Variants in RYR2 observed in about 807,000 individuals in gnomAD.
RYR2 encodes the protein ryanodine receptor 2.
Under a neutral mutation model 601.1 loss-of-function variants are expected in RYR2, and 227 were observed. The observed-to-expected ratio is 0.38, with a 90% confidence interval of 0.34 to 0.42. The LOEUF (loss-of-function observed/expected upper bound fraction) is 0.42. Ranked by LOEUF, RYR2 falls within the 10% of genes least tolerant of loss-of-function variation. The pLI, the probability that RYR2 is intolerant of heterozygous loss-of-function variation, is 1.00. For synonymous variants in RYR2, 2,223 were observed against 2,175.1 expected (o/e 1.02, Z -0.61); for missense variants, 4,646 against 6,156.5 (o/e 0.75, Z 8.21).
At chr1:237,661,624 G>T (rs891037498) in intron 56 of RYR2, among the ~76,000 whole-genome samples, 4 of 152,120 alleles carry the variant, frequency 2.6e-5, no homozygotes, top group African/African-American at 9.7e-5. Flanking sequence ...TTTCCAGTGG[G>T]ATCTGAGGGT....
chr1:237,481,734 C>T (rs1225625372), intron 17 of RYR2, among the ~76,000 whole-genome samples: 2 of 148,108 alleles, frequency 1.4e-5, no homozygotes, highest in African/African-American at 5.0e-5. Context: ...CTCAGATGCA[C>T]AGGCCCAGAT....
chr1:237,474,079 G>A (rs955260388), intron 17 of RYR2, among the ~76,000 whole-genome samples: 8 of 151,794 alleles, frequency 5.3e-5, no homozygotes, highest in African/African-American at 9.7e-5. Context: ...TAGAGGCTCC[G>A]GGAGTTGACA....
At chr1:237,068,138 G>A (rs913831385) in intron 1 of RYR2, among the ~76,000 whole-genome samples, 2 of 151,062 alleles carry the variant, frequency 1.3e-5, no homozygotes, top group African/African-American at 4.9e-5. Flanking sequence ...GCTTTCTGGG[G>A]CCCATTTTCC....
intron 1 of RYR2, among the ~76,000 whole-genome samples, chr1:237,054,709 A>AT (rs1661756548): frequency 6.6e-6 from 1 of 152,074 alleles, no homozygotes; most frequent in African/African-American, 2.4e-5. Flanking sequence ...AAAATCTTTG[A>AT]TGTGTTCATT....
At chr1:237,298,927 G>T (rs927975704) in intron 2 of RYR2, among the ~76,000 whole-genome samples, 1 of 152,050 alleles carries the variant, frequency 6.6e-6, no homozygotes, top group African/African-American at 2.4e-5. Flanking sequence ...TTGAGCCCAG[G>T]AATTTGAAGT....
intron 1 of RYR2, among the ~76,000 whole-genome samples, chr1:237,088,318 G>C (rs1283623600): frequency 6.6e-6 from 1 of 152,202 alleles, no homozygotes. Flanking sequence ...CACCACTCAT[G>C]AATCTCAGGA....
intron 1 of RYR2, among the ~76,000 whole-genome samples, chr1:237,269,209 A>G (rs1689437263): frequency 6.6e-6 from 1 of 151,284 alleles, no homozygotes; most frequent in Non-Finnish European, 1.5e-5. Flanking sequence ...CGCCCAGCTA[A>G]TTTTTGTATT....
intron 55 of RYR2, 102 bp downstream of exon 55, chr1:237,660,176 A>G (rs1342834): frequency 0.22 from 129,999 of 597,718 alleles, 15,625 homozygotes; most frequent in East Asian, 0.42. Context: ...TTTATTTTAA[A>G]TTTCACATTT....
chr1:237,445,576 T>A, intron 14 of RYR2, 54 bp downstream of exon 14: 1 of 1,599,332 alleles, frequency 6.3e-7, no homozygotes, highest in Non-Finnish European at 8.6e-7. Flanking sequence ...CATTTCTTTA[T>A]TGGATATGCA....
chr1:237,202,054 G>A (rs966365228), intron 1 of RYR2, among the ~76,000 whole-genome samples: 1 of 152,088 alleles, frequency 6.6e-6, no homozygotes, highest in Non-Finnish European at 1.5e-5. Context: ...ATAGGGCTGG[G>A]GTAGACAGAA....
rs1015212902 is a variant in RYR2, at chr1:237,384,058, C to G, written c.577-3223C>G. ...AAGCCTGACGTGATGTAGTTTTTAC[C>G]CAGACTTCCCTTTGCTGTTTAAGCA... On this transcript the variant is annotated intron_variant, in intron 8 of 104. Coordinates refer to ENST00000366574, the MANE Select transcript of RYR2 (RefSeq NM_001035.3). Among the ~76,000 whole-genome samples the G allele has an allele frequency of 1.3e-5, 2 of 152,090 alleles. 1 individual carries two copies. The highest frequency in any genetic ancestry group is 1.3e-4 in the Admixed American group (2 of 15,272).
chr1:237,323,172 AT>A (rs548608339), intron 2 of RYR2, among the ~76,000 whole-genome samples: 39 of 152,098 alleles, frequency 2.6e-4, no homozygotes, highest in Middle Eastern at 3.4e-3. Context: ...TGAGATTGTG[AT>A]TTTTTTTATC....
intron 92 of RYR2, among the ~76,000 whole-genome samples, chr1:237,789,803 C>T (rs1174060111): frequency 6.6e-6 from 1 of 152,212 alleles, no homozygotes; most frequent in Non-Finnish European, 1.5e-5. Flanking sequence ...TGCACATGAC[C>T]AGTCATGGCC....
intron 10 of RYR2, 64 bp downstream of exon 10, chr1:237,388,247 A>G (rs1702104481): frequency 4.5e-6 from 6 of 1,345,322 alleles, no homozygotes; most frequent in Non-Finnish European, 5.2e-6. Context: ...TGTTTTAAAA[A>G]CTAGGGATCT....
intron 1 of RYR2, among the ~76,000 whole-genome samples, chr1:237,198,710 G>A (rs1680843438): frequency 1.3e-5 from 2 of 152,030 alleles, no homozygotes; most frequent in South Asian, 4.1e-4. Context: ...ATTGGATTCA[G>A]CAAAGGTCAG....
At chr1:237,482,244 A>G (rs930389900) in intron 17 of RYR2, among the ~76,000 whole-genome samples, 9 of 152,166 alleles carry the variant, frequency 5.9e-5, no homozygotes, top group Non-Finnish European at 1.2e-4. Flanking sequence ...ATGTGCAATT[A>G]AGTTATTATT....
intron 1 of RYR2, among the ~76,000 whole-genome samples, chr1:237,255,982 T>C (rs1374858406): frequency 6.6e-6 from 1 of 152,016 alleles, no homozygotes; most frequent in Non-Finnish European, 1.5e-5. Flanking sequence ...TGGAGTTTAT[T>C]CCCTGACAGT....
rs1573123056 is a variant in RYR2, at chr1:237,614,244, C to T, written c.5116C>T (p.Leu1706=). The part of the protein sequence containing the change: ...GLLRAGYYDL[L]IDIHLSSYAT... Reference sequence around the variant, plus strand: ...GCTGCGTGCTGGCTACTATGACCTGCTGATTGACATCCACCTGAGCTCCTA... The same window carrying T: ...GCTGCGTGCTGGCTACTATGACCTGTTGATTGACATCCACCTGAGCTCCTA... The change falls in exon 37 of 105, where the codon CTG becomes TTG. Residue 1706 remains leucine (L), a synonymous_variant. Transcript: ENST00000366574. This position sits in a 1 kb window ranked among gnomAD's most constrained non-coding sequence, Gnocchi z 4.3. 2 of 1,613,894 alleles carry T rather than the reference C, an allele frequency of 1.2e-6. No homozygotes were observed. The highest frequency in any genetic ancestry group is 1.7e-6 in the Non-Finnish European group (2 of 1,179,910).
intron 37 of RYR2, among the ~76,000 whole-genome samples, chr1:237,616,749 AC>A (rs1678514430): frequency 6.6e-6 from 1 of 152,196 alleles, no homozygotes; most frequent in South Asian, 2.1e-4. Flanking sequence ...ATAAAGACAT[AC>A]CTGAGACTGA....
Sources: allele counts gnomAD v4.1 joint callset (sites outside exome capture counted in the v4.1 genomes callset), GRCh38; gene constraint gnomAD v4.1.1; non-coding constraint Gnocchi (gnomAD v3.1); transcripts MANE v1.5; gene names NCBI Gene and HGNC (gene_info 2026-07-23, HGNC 2026-07-21).